Variants in ASTN2 observed in about 807,000 individuals in gnomAD.
The protein encoded by ASTN2 is astrotactin 2, also known as astrotactin-2.
In ASTN2, 54 loss-of-function variants were observed where a neutral mutation model predicts 139.8. The observed-to-expected ratio is 0.39, with a 90% CI of 0.31 to 0.48. The LOEUF (loss-of-function observed/expected upper bound fraction) is 0.48, where lower values mean the gene tolerates loss of function less well. Among genes scored for constraint, ASTN2 ranks in the 20% least tolerant of loss-of-function variants. The probability of loss-of-function intolerance (pLI) is 0.95; values close to 1 mark genes in which losing one functional copy is unlikely to be tolerated. For synonymous variants in ASTN2, 756 were observed against 719.5 expected (o/e 1.05, Z -0.81); for missense variants, 1,565 against 1,725.1 (o/e 0.91, Z 1.64).
At chr9:116,551,146 A>C (rs1333256217) in intron 19 of ASTN2, 1 of 152,314 alleles carries the variant, frequency 6.6e-6, no homozygotes, top group South Asian at 2.1e-4. Context: ...AGTGTAAAAA[A>C]ATAAAAATTC....
At chr9:116,765,323 A>C (rs1588274416) in intron 13 of ASTN2, among the ~76,000 whole-genome samples, 1 of 152,274 alleles carries the variant, frequency 6.6e-6, no homozygotes, top group East Asian at 1.9e-4. Flanking sequence ...CAAGGTCTCC[A>C]GGCTATTCAA....
intron 7 of ASTN2, among the ~76,000 whole-genome samples, chr9:116,987,882 T>C (rs1430894772): frequency 1.3e-5 from 2 of 152,228 alleles, no homozygotes; most frequent in Non-Finnish European, 2.9e-5. Flanking sequence ...CTGAGATGGC[T>C]ACTAAGTGAT....
intron 5 of ASTN2, 78 bp downstream of exon 5, chr9:117,095,966 G>T (rs1247296403): frequency 1.5e-6 from 2 of 1,332,862 alleles, no homozygotes; most frequent in Non-Finnish European, 2.1e-6. Context: ...TTTAGGATTT[G>T]CTAGTGAACA....
intron 10 of ASTN2, among the ~76,000 whole-genome samples, chr9:116,934,631 G>C (rs959959737): frequency 3.3e-5 from 5 of 152,138 alleles, no homozygotes; most frequent in Non-Finnish European, 5.9e-5. Flanking sequence ...GAAGGTGGGA[G>C]GGGGGAAGAG....
At chr9:116,870,501 C>T (rs902339495) in intron 10 of ASTN2, among the ~76,000 whole-genome samples, 3 of 152,136 alleles carry the variant, frequency 2.0e-5, no homozygotes, top group Admixed American at 1.3e-4. Flanking sequence ...TTTTCTTTGG[C>T]CTCCCAGCAG....
At chr9:117,195,452 AGTGTG>A (rs1271510917) in intron 3 of ASTN2, among the ~76,000 whole-genome samples, 2 of 152,298 alleles carry the variant, frequency 1.3e-5, no homozygotes, top group East Asian at 3.9e-4. Context: ...GAGTGGCTGC[AGTGTG>A]GAGAAGGGAG....
chr9:117,136,979 C>A (rs1432432205), intron 4 of ASTN2, among the ~76,000 whole-genome samples: 1 of 152,200 alleles, frequency 6.6e-6, no homozygotes, highest in East Asian at 1.9e-4. Context: ...CAAAGTCCCG[C>A]TTTCAAAAAC....
At chr9:116,446,257 A>G (rs540777729) in intron 20 of ASTN2, among the ~76,000 whole-genome samples, 80 of 86,620 alleles carry the variant, frequency 9.2e-4, no homozygotes, top group African/African-American at 2.9e-3. Context: ...GGGGAGAGGG[A>G]GAGAGAGAGA....
intron 2 of ASTN2, among the ~76,000 whole-genome samples, chr9:117,269,058 G>A (rs1834000987): frequency 2.6e-5 from 4 of 152,154 alleles, no homozygotes; most frequent in Admixed American, 2.6e-4. Context: ...GCATGACAAT[G>A]GCTCAATAAA....
intron 10 of ASTN2, among the ~76,000 whole-genome samples, chr9:116,964,734 A>G (rs1835968797): frequency 6.6e-6 from 1 of 152,198 alleles, no homozygotes; most frequent in Admixed American, 6.5e-5. Flanking sequence ...ATAGTGCCAG[A>G]CCAGAGAGTA....
chr9:116,444,235 T>C (rs1564281167), intron 20 of ASTN2, among the ~76,000 whole-genome samples: 1 of 152,192 alleles, frequency 6.6e-6, no homozygotes, highest in Non-Finnish European at 1.5e-5. Context: ...CTGTAAGCTG[T>C]TGTCTTCTGA....
At chr9:116,929,649 C>A (rs1834846821) in intron 10 of ASTN2, among the ~76,000 whole-genome samples, 1 of 152,148 alleles carries the variant, frequency 6.6e-6, no homozygotes. Flanking sequence ...TCTAAACAAC[C>A]CTTTGCTGAC....
At chr9:116,519,826 T>C (rs1850794861) in intron 19 of ASTN2, among the ~76,000 whole-genome samples, 1 of 151,882 alleles carries the variant, frequency 6.6e-6, no homozygotes, top group African/African-American at 2.4e-5. Context: ...TGGGAGATAT[T>C]ACAACTGATA....
chr9:117,130,791 T>A (rs1829809823), intron 4 of ASTN2, among the ~76,000 whole-genome samples: 1 of 152,126 alleles, frequency 6.6e-6, no homozygotes, highest in South Asian at 2.1e-4. Flanking sequence ...AGAATTGAGA[T>A]TTTTCTATCA....
chr9:116,655,918 G>C (rs1030153062), intron 16 of ASTN2, among the ~76,000 whole-genome samples: 7 of 151,866 alleles, frequency 4.6e-5, no homozygotes, highest in African/African-American at 1.7e-4. Flanking sequence ...GGTAGAGACA[G>C]CGTTTCACCA....
At chr9:116,838,961 A>T (rs62563540) in intron 11 of ASTN2, among the ~76,000 whole-genome samples, 302 of 152,340 alleles carry the variant, frequency 2.0e-3, no homozygotes, top group Non-Finnish European at 3.2e-3. Context: ...TTAAGACATC[A>T]CAAGGATGCC....
intron 10 of ASTN2, among the ~76,000 whole-genome samples, chr9:116,883,747 A>G (rs925868850): frequency 2.0e-5 from 3 of 152,236 alleles, no homozygotes; most frequent in African/African-American, 7.2e-5. Flanking sequence ...AGGTAGGCCT[A>G]CTTGGATTTG....
chr9:116,909,321 T>C (rs1355898495), intron 10 of ASTN2, among the ~76,000 whole-genome samples: 1 of 152,160 alleles, frequency 6.6e-6, no homozygotes, highest in Non-Finnish European at 1.5e-5. Flanking sequence ...TGTTGAGACA[T>C]ACTTGAAAAA....
chr9:116,632,519 A>C (rs1856858874), intron 17 of ASTN2, among the ~76,000 whole-genome samples: 1 of 152,124 alleles, frequency 6.6e-6, no homozygotes, highest in Non-Finnish European at 1.5e-5. Flanking sequence ...CCTGGCACAC[A>C]CAGCCTTTCA....
Sources: allele counts gnomAD v4.1 joint callset (sites outside exome capture counted in the v4.1 genomes callset), GRCh38; gene constraint gnomAD v4.1.1; transcripts MANE v1.5; gene names NCBI Gene and HGNC (gene_info 2026-07-23, HGNC 2026-07-21).